Variants in EVC observed in about 807,000 individuals in gnomAD.
EVC encodes EvC ciliary complex subunit 1, also known as evC complex member EVC.
A neutral mutation model predicts 118.9 loss-of-function variants in EVC; 116 were observed. The ratio of observed to expected loss-of-function variants is 0.98; its 90% CI spans 0.84 to 1.14. EVC has a LOEUF of 1.14. Ranked by LOEUF, EVC falls within the 50% of genes most tolerant of loss-of-function variation. The pLI is 0.00. For synonymous variants in EVC, 619 were observed against 534.7 expected (o/e 1.16, Z -2.18); for missense variants, 1,401 against 1,246.4 (o/e 1.12, Z -1.87).
chr4:5,785,827 A>T (rs74876573), intron 12 of EVC, among the ~76,000 whole-genome samples: 1 of 152,220 alleles, frequency 6.6e-6, no homozygotes, highest in Non-Finnish European at 1.5e-5. Context: ...CTTCGAAGGG[A>T]TCTAAATGAA....
chr4:5,767,872 C>G (rs549568023), intron 11 of EVC, among the ~76,000 whole-genome samples: 5 of 152,316 alleles, frequency 3.3e-5, no homozygotes, highest in Admixed American at 3.3e-4. Flanking sequence ...CTGCGTCGCT[C>G]ACGCTGGGAG....
chr4:5,744,449 G>A (rs2152021826), intron 6 of EVC, among the ~76,000 whole-genome samples: 1 of 152,082 alleles, frequency 6.6e-6, no homozygotes, highest in Admixed American at 6.5e-5. Context: ...CACTATCTTG[G>A]GGTTTGTGAG....
rs541908588 is a variant in EVC at position 5,759,260 on chromosome 4, C to T, written c.1563+2898C>T. On this transcript the variant is annotated intron_variant, in intron 11 of 20. Transcript: ENST00000264956. The stretch of plus-strand genomic sequence containing the variant: ...TGCCGACTGCAGGAGACGTTGCCTA[C>T]TGCAGATAACTGCTTGAAAGAGCCA... Among the ~76,000 whole-genome samples, 7 of 74,892 alleles carry T rather than the reference C, an allele frequency of 9.3e-5. No individual in the cohort carries two copies. The East Asian group carries it at 2.6e-3, about 28-fold the overall frequency. 49.1% of individuals were successfully genotyped at this position (74,892 alleles called of 152,430 possible).
At chr4:5,726,921 A>G (rs1261053692) in intron 2 of EVC, among the ~76,000 whole-genome samples, 1 of 152,058 alleles carries the variant, frequency 6.6e-6, no homozygotes, top group African/African-American at 2.4e-5. Context: ...TTATGGTTGC[A>G]TAGTATTCCA....
intron 20 of EVC, among the ~76,000 whole-genome samples, chr4:5,810,670 G>A (rs1487962084): frequency 6.6e-6 from 1 of 152,174 alleles, no homozygotes; most frequent in African/African-American, 2.4e-5. Context: ...TGTCTCATTT[G>A]GCCAGATGAG....
intron 3 of EVC, among the ~76,000 whole-genome samples, chr4:5,730,869 C>T (rs1216107935): frequency 6.6e-6 from 1 of 151,952 alleles, no homozygotes; most frequent in Non-Finnish European, 1.5e-5. Context: ...TTGCTGGGCC[C>T]TCTAGCCATG....
chr4:5,811,512 G>T lies in EVC; in HGVS notation c.*475G>T. On this transcript the variant is annotated 3_prime_UTR_variant, in exon 21 of 21. Coordinates refer to ENST00000264956, the MANE Select transcript of EVC (RefSeq NM_153717.3). Reference sequence around the variant, plus strand: ...GTGTGGCCCAACCCTCACTTCACCTGGGGAGGGGCTTCTTCCGGACAGTAG... The same window carrying T: ...GTGTGGCCCAACCCTCACTTCACCTTGGGAGGGGCTTCTTCCGGACAGTAG... The T allele has an allele frequency of 4.9e-6, 1 of 203,692 alleles. No homozygotes were observed. Among genetic ancestry groups the T allele is most frequent in the Non-Finnish European group, 1.0e-5 (1 of 99,990 alleles). The allele number at this position is 203,692 out of a possible 1,614,324, so 12.6% of individuals were successfully genotyped here.
the EVC span, among the ~76,000 whole-genome samples, chr4:5,827,554 A>G: frequency 1.3e-5 from 2 of 152,206 alleles, no homozygotes; most frequent in Non-Finnish European, 2.9e-5. Context: ...TACAAAGAAC[A>G]GGACCACACA....
intron 1 of EVC, among the ~76,000 whole-genome samples, chr4:5,712,241 C>T (rs1049129909): frequency 2.0e-5 from 3 of 152,214 alleles, no homozygotes; most frequent in Non-Finnish European, 4.4e-5. Context: ...AGACCCTCTC[C>T]CTAAATGATC....
chr4:5,828,316 C>T, the EVC span: 2 of 985,086 alleles, frequency 2.0e-6, no homozygotes, highest in South Asian at 4.7e-5. Context: ...ATGCTCACTC[C>T]TGTCCTCAGA....
intron 1 of EVC, among the ~76,000 whole-genome samples, chr4:5,712,523 T>G (rs1369725500): frequency 6.6e-6 from 1 of 152,188 alleles, no homozygotes; most frequent in Non-Finnish European, 1.5e-5. Flanking sequence ...CCTTGCAACT[T>G]CTGCCTCTTT....
At chr4:5,732,685 A>C (rs1423581191) in intron 4 of EVC, among the ~76,000 whole-genome samples, 1 of 152,200 alleles carries the variant, frequency 6.6e-6, no homozygotes, top group Non-Finnish European at 1.5e-5. Context: ...CTGCTAAGGC[A>C]CCGAGGAAAG....
chr4:5,788,005 T>C (rs1362370682), intron 12 of EVC, among the ~76,000 whole-genome samples: 1 of 152,178 alleles, frequency 6.6e-6, no homozygotes, highest in African/African-American at 2.4e-5. Flanking sequence ...CACTTCTTTC[T>C]CCTTCTCAGT....
chr4:5,808,233 A>C lies in EVC; in HGVS notation c.2594A>C (p.Gln865Pro). The C allele has an allele frequency of 6.5e-7, 1 of 1,548,702 alleles. No individual in the cohort carries two copies. Among genetic ancestry groups the C allele is most frequent in the Non-Finnish European group, 8.8e-7 (1 of 1,142,042 alleles). The change falls in exon 18 of 21, where the codon CAG becomes CCG. Residue 865 changes from glutamine (Q) to proline (P), a missense_variant. By Grantham distance (76) the Gln-to-Pro change is moderately conservative (BLOSUM62 -1). Transcript: ENST00000264956. Reference sequence around the variant, plus strand: ...TCCCAGCAGAAGAGGTTCCTGGCCCAGTTCCCAGTGCACCAGCAGATGCGT... The same window carrying C: ...TCCCAGCAGAAGAGGTTCCTGGCCCCGTTCCCAGTGCACCAGCAGATGCGT... ...MLSQQKRFLA[Q>P]FPVHQQMRLH...
At position 5,731,336 on chromosome 4, in the gene EVC, C is replaced by A; in HGVS notation, c.385-89C>A. On this transcript the variant is annotated intron_variant, in intron 3 of 20. Transcript: ENST00000264956. This position sits in a 1 kb window ranked among gnomAD's most constrained non-coding sequence, Gnocchi z 5.6. ...TCCAGGCAGACCTTCCTGTGAGCGG[C>A]TAGCGTGAATCACTGGTAGAATTAT... 1 of 1,134,924 alleles carries A rather than the reference C, an allele frequency of 8.8e-7. No individual in the cohort carries two copies. The highest frequency in any genetic ancestry group is 1.3e-6 in the Non-Finnish European group (1 of 743,918). 70.3% of individuals were successfully genotyped at this position (1,134,924 alleles called of 1,614,324 possible).
chr4:5,822,478 G>A, the EVC span, among the ~76,000 whole-genome samples: 9,032 of 146,498 alleles, frequency 0.062, 550 homozygotes, highest in African/African-American at 0.16. Context: ...CCTCATTGGC[G>A]ATAGGTGGAT....
At chr4:5,791,999 G>A (rs542781397) in intron 12 of EVC, among the ~76,000 whole-genome samples, 158 of 152,324 alleles carry the variant, frequency 1.0e-3, no homozygotes, top group African/African-American at 3.5e-3. Flanking sequence ...CCTGTGCAGT[G>A]CATTGACAGA....
chr4:5,757,932 C>G (rs953021312), intron 11 of EVC: 7 of 600,484 alleles, frequency 1.2e-5, no homozygotes, highest in African/African-American at 1.9e-5. Flanking sequence ...AAACAGTGTC[C>G]TTCAAAACGT....
chr4:5,729,798 G>T lies in EVC; in HGVS notation c.384+408G>T, dbSNP rs77614332. On this transcript the variant is annotated intron_variant, in intron 3 of 20. Transcript: ENST00000264956. ...GTTAAGTATTTGTCATGCATCAGGC[G>T]TTTCAACTTGGTGTTATGCCTATCA... Among the ~76,000 whole-genome samples the T allele has an allele frequency of 2.0e-5, 3 of 152,012 alleles. No homozygotes were observed. The East Asian group carries it at 5.8e-4, about 29-fold the overall frequency.
Sources: allele counts gnomAD v4.1 joint callset (sites outside exome capture counted in the v4.1 genomes callset), GRCh38; gene constraint gnomAD v4.1.1; non-coding constraint Gnocchi (gnomAD v3.1); transcripts MANE v1.5; gene names NCBI Gene and HGNC (gene_info 2026-07-23, HGNC 2026-07-21).